The following MXRA5 variants were observed in gnomAD, a reference collection of about 807,000 sequenced individuals.
The protein encoded by MXRA5 is matrix remodeling associated 5, also known as matrix-remodeling-associated protein 5.
MXRA5 carries 41 observed loss-of-function variants against 112.5 expected under a neutral mutation model. The observed-to-expected ratio is 0.36, with a 90% CI of 0.28 to 0.47. MXRA5 has a LOEUF of 0.47. MXRA5 is among the 20% of genes least tolerant of loss of function. The probability of loss-of-function intolerance (pLI) is 0.99; values close to 1 mark genes in which losing one functional copy is unlikely to be tolerated. For missense variants in MXRA5, 2,150 were observed against 2,251.0 expected, an observed-to-expected ratio of 0.96 and a Z score of 0.91; for synonymous variants, 862 against 900.8, an observed-to-expected ratio of 0.96 and a Z score of 0.77.
chrX:3,312,464 T>C (rs1355754391), intron 6 of MXRA5, among the ~76,000 whole-genome samples: 1 of 112,150 alleles, frequency 8.9e-6, no homozygotes, highest in Non-Finnish European at 1.9e-5. Flanking sequence ...AGTGAAAAGA[T>C]TGAGAAAGTT....
intron 1 of MXRA5, 24 bp from the exon 2 acceptor site, chrX:3,343,885 G>A (rs764431190): frequency 8.7e-7 from 1 of 1,146,478 alleles, no homozygotes; most frequent in Non-Finnish European, 1.2e-6. Flanking sequence ...ACGAAGAGAT[G>A]AGCTTATTCA....
chrX:3,337,639 T>A (rs998315584), intron 2 of MXRA5, among the ~76,000 whole-genome samples: 2 of 112,043 alleles, frequency 1.8e-5, no homozygotes, highest in Non-Finnish European at 3.8e-5. Context: ...AACTGAAGTA[T>A]GTGTTAAAAC....
chrX:3,325,302 A>C (rs1227155856), intron 4 of MXRA5, among the ~76,000 whole-genome samples: 2 of 111,053 alleles, frequency 1.8e-5, no homozygotes, highest in Non-Finnish European at 3.8e-5. Context: ...TTTACAATGT[A>C]ACTTCTGTGA....
In MXRA5 at chrX:3,322,714, C is replaced by A. The variant is rs375075690; in HGVS notation, c.2971G>T (p.Asp991Tyr). The A allele has an allele frequency of 2.5e-6, 3 of 1,209,433 alleles. No homozygotes were observed. Among genetic ancestry groups the A allele is most frequent in the Non-Finnish European group, 3.4e-6 (3 of 895,196 alleles). ...DLETKSQPDE[D>Y]KMKEDTFAHL... ...GCAAAGGTGTCTTCTTTCATCTTAT[C>A]CTCATCTGGTTGTGACTTAGTCTCC... Residue 991 changes from aspartate to tyrosine, a missense_variant, in exon 5 of 7, where the codon GAT (aspartate) becomes TAT (tyrosine). Asp to Tyr is a radical substitution (Grantham distance 160). Transcript: ENST00000217939.
intron 2 of MXRA5, among the ~76,000 whole-genome samples, chrX:3,335,265 C>T (rs775328749): frequency 8.1e-5 from 9 of 111,707 alleles, no homozygotes; most frequent in East Asian, 2.8e-4. Flanking sequence ...GGCGCCATCT[C>T]GGCTCACTGC....
In MXRA5 at chrX:3,342,448, G is replaced by A. The variant is rs767240369; in HGVS notation, c.188+1198C>T. Among the ~76,000 whole-genome samples, 7 of 111,937 alleles carry A rather than the reference G, an allele frequency of 6.3e-5. No homozygotes were observed. In the East Asian group the frequency reaches 1.4e-3, roughly 22 times the overall value. ...CTTCCATTACACAAGAAATGTGTCC[G>A]ATAAATTACAAGATTGTAAAAAGGG... On this transcript the variant is annotated intron_variant, in intron 2 of 6. Coordinates refer to ENST00000217939, the MANE Select transcript of MXRA5 (RefSeq NM_015419.4).
intron 2 of MXRA5, among the ~76,000 whole-genome samples, chrX:3,341,145 C>CATA (rs1273051380): frequency 4.4e-4 from 3 of 6,836 alleles, no homozygotes; most frequent in Admixed American, 3.1e-3. Context: ...ATATATTATA[C>CATA]ATATATTATA....
intron 6 of MXRA5, among the ~76,000 whole-genome samples, chrX:3,316,460 T>C: frequency 9.7e-6 from 1 of 102,917 alleles, no homozygotes; most frequent in African/African-American, 3.5e-5. Flanking sequence ...TTCGAGATCA[T>C]CCTTGGGAAC....
At position 3,311,049 on chromosome X, in the gene MXRA5, T is replaced by C; in HGVS notation, c.7154A>G (p.Asn2385Ser). 8.3e-7 allele frequency: 1 copy of C among 1,211,576 alleles called. No individual in the cohort carries two copies. The highest frequency in any genetic ancestry group is 1.1e-6 in the Non-Finnish European group (1 of 895,495). ...MPKVTWLSPT[N>S]KVIPTSSEKY... ...CTCAGAGGAGGTGGGGATCACCTTG[T>C]TGGTTGGGGACAACCAAGTCACCTT... The change falls in exon 7 of 7, where the codon AAC (asparagine) becomes AGC (serine). Residue 2385 changes from asparagine (N) to serine (S), a missense_variant. Physicochemically the swap from Asn to Ser is conservative, Grantham distance 46 (BLOSUM62 1). This residue lies in a region of MXRA5 where 1,485 missense variants were observed against 1,471.6 expected (regional missense o/e 1.01). Transcript: ENST00000217939.
At position 3,324,029 on chromosome X, in the gene MXRA5, C is replaced by T. The variant is rs768992528; in HGVS notation, c.1656G>A (p.Leu552=). 5.8e-6 allele frequency: 7 copies of T among 1,203,251 alleles called. No individual in the cohort carries two copies. Among genetic ancestry groups the T allele is most frequent in the African/African-American group, 5.3e-5 (3 of 56,961 alleles). The change falls in exon 5 of 7, where the codon TTG becomes TTA. Residue 552 remains leucine, a synonymous_variant. Coordinates refer to ENST00000217939, the MANE Select transcript of MXRA5 (RefSeq NM_015419.4). The stretch of plus-strand genomic sequence containing the variant: ...CCCTCACTTGAGCAATGCACTGGTA[C>T]AAGCCTGAGTCAGATGGCTCCATGG... The part of the protein sequence containing the change: ...IKSMEPSDSG[L]YQCIAQVRDE...
chrX:3,329,875 C>T (rs1239220611), intron 4 of MXRA5, 143 bp downstream of exon 4: 2 of 689,330 alleles, frequency 2.9e-6, no homozygotes, highest in Middle Eastern at 5.0e-4. Flanking sequence ...GTCTGAGTTC[C>T]TGTCTAGCTG....
chrX:3,320,940 C>A lies in MXRA5; in HGVS notation c.4745G>T (p.Gly1582Val), dbSNP rs868565834. The A allele has an allele frequency of 1.7e-6, 2 of 1,211,796 alleles. No homozygotes were observed. The highest frequency in any genetic ancestry group is 2.2e-6 in the Non-Finnish European group (2 of 895,540). The stretch of plus-strand genomic sequence containing the variant: ...TGGGCCACGTGGTAGACTCCTACTA[C>A]CAAATACTTGCTTTTCCAATTCCAG... ...TKLELEKQVF[G>V]SRSLPRGPDS... Residue 1582 changes from glycine to valine, a missense_variant, in exon 5 of 7, where the codon GGT becomes GTT. This residue lies in a region of MXRA5 where 1,485 missense variants were observed against 1,471.6 expected (regional missense o/e 1.01). Transcript: ENST00000217939.
intron 6 of MXRA5, among the ~76,000 whole-genome samples, chrX:3,316,025 TGG>T: frequency 4.6e-5 from 1 of 21,646 alleles, no homozygotes; most frequent in African/African-American, 2.2e-4. Flanking sequence ...GTATTTGTTC[TGG>T]ATCCGAGTTT....
Position 3,320,520 on chromosome X carries a change from A to T in MXRA5, c.5165T>A (p.Ile1722Asn). 1 of 1,211,490 alleles carries T rather than the reference A, an allele frequency of 8.3e-7. No homozygotes were observed. The highest frequency in any genetic ancestry group is 1.1e-6 in the Non-Finnish European group (1 of 895,310). Residue 1722 changes from isoleucine (I) to asparagine (N), a missense_variant, in exon 5 of 7, where the codon ATT (isoleucine) becomes AAT (asparagine). By Grantham distance (149) the Ile-to-Asn change is moderately radical. This residue lies in a region of MXRA5 where 1,485 missense variants were observed against 1,471.6 expected (regional missense o/e 1.01). Coordinates refer to ENST00000217939, the MANE Select transcript of MXRA5 (RefSeq NM_015419.4). Reference protein sequence around the residue: ...NPVGKPPSPRIPHYSNGRLPF... With the variant: ...NPVGKPPSPRNPHYSNGRLPF... ...GAGTCTTCCATTGGAATAATGAGGA[A>T]TTCTTGGACTGGGAGGCTTTCCAAC...
intron 1 of MXRA5, among the ~76,000 whole-genome samples, chrX:3,345,677 C>A (rs1410872061): frequency 8.0e-5 from 9 of 113,199 alleles, no homozygotes; most frequent in Non-Finnish European, 1.7e-4. Context: ...CAGAGACGGT[C>A]TGCGAACCCC....
Position 3,310,445 on chromosome X carries a change from A to G in MXRA5, c.7758T>C (p.Ser2586=). ...WVLPNGTDLQ[S]GQQLQRFYHK... Reference sequence around the variant, plus strand: ...GGTAGAAGCGCTGCAGCTGCTGTCCACTCTGCAGATCGGTGCCATTGGGAA... The same window carrying G: ...GGTAGAAGCGCTGCAGCTGCTGTCCGCTCTGCAGATCGGTGCCATTGGGAA... The change falls in exon 7 of 7, where the codon AGT becomes AGC. Residue 2586 remains serine (S), a synonymous_variant. Transcript: ENST00000217939. 1 of 1,201,028 alleles carries G rather than the reference A, an allele frequency of 8.3e-7. No homozygotes were observed. The highest frequency in any genetic ancestry group is 1.1e-6 in the Non-Finnish European group (1 of 890,546).
chrX:3,326,473 T>C (rs1921512406), intron 4 of MXRA5, among the ~76,000 whole-genome samples: 1 of 103,698 alleles, frequency 9.6e-6, no homozygotes, highest in Admixed American at 1.1e-4. Context: ...AATTTATATA[T>C]AATCAATATG....
In MXRA5 at chrX:3,346,487, G is replaced by C. The variant is rs770127567; in HGVS notation, c.-29+28C>G. The C allele has an allele frequency of 1.1e-4, 82 of 751,365 alleles. No homozygotes were observed. The African/African-American group carries it at 1.8e-3, about 17-fold the overall frequency. 61.9% of individuals were successfully genotyped at this position (751,365 alleles called of 1,213,427 possible). A position where few individuals can be genotyped will look rare whatever the true frequency, so the allele number is the denominator to read the frequency against. On this transcript the variant is annotated intron_variant, in intron 1 of 6. Coordinates refer to ENST00000217939, the MANE Select transcript of MXRA5 (RefSeq NM_015419.4). Reference sequence around the variant, plus strand: ...CCTGCAGGCAGACACGGCAGCCCTGGGGCGCCCTGGCCACCCTGGGTCCTC... The same window carrying C: ...CCTGCAGGCAGACACGGCAGCCCTGCGGCGCCCTGGCCACCCTGGGTCCTC...
chrX:3,321,842 A>G lies in MXRA5; in HGVS notation c.3843T>C (p.Thr1281=), dbSNP rs753562393. Residue 1281 remains threonine (T), a synonymous_variant, in exon 5 of 7, where the codon ACT becomes ACC. Coordinates refer to ENST00000217939, the MANE Select transcript of MXRA5 (RefSeq NM_015419.4). ...AAGGGCCCTCAGTTTTCAGAGAAAC[A>G]GTTCTAGGCAAAAGTATAGTTTCTG... ...PSSETILLPR[T]VSLKTEGPYD... is the part of the protein sequence containing the mutation. 8.3e-7 allele frequency: 1 copy of G among 1,211,256 alleles called. No individual in the cohort carries two copies. The highest frequency in any genetic ancestry group is 1.1e-6 in the Non-Finnish European group (1 of 895,237).
Sources: allele counts gnomAD v4.1 joint callset (sites outside exome capture counted in the v4.1 genomes callset), GRCh38; gene constraint gnomAD v4.1.1; regional missense constraint gnomAD v4.1.1; transcripts MANE v1.5; gene names NCBI Gene and HGNC (gene_info 2026-07-23, HGNC 2026-07-21).